PVALEF: variants seen among roughly 807,000 people sequenced by gnomAD.
The protein encoded by PVALEF is parvalbumin like EF-hand containing, also known as parvalbumin-like EF-hand-containing protein.
Under a neutral mutation model 1.2 loss-of-function variants are expected in PVALEF, and 2 were observed. The ratio of observed to expected loss-of-function variants is 1.68; its 90% CI spans 0.69 to 5.28. The LOEUF is 5.28. Among genes scored for constraint, PVALEF ranks in the 30% most tolerant of loss-of-function variants. PVALEF has a pLI of 0.06. For synonymous variants in PVALEF, 16 were observed against 6.5 expected, an observed-to-expected ratio of 2.47 and a Z score of -2.24; for missense variants, 35 against 17.7, an observed-to-expected ratio of 1.97 and a Z score of -1.75.
intron 1 of PVALEF, among the ~76,000 whole-genome samples, 166 bp from the exon 2 acceptor site, chr17:81,166,511 G>T (rs1046789553): frequency 3.9e-5 from 4 of 103,704 alleles, no homozygotes; most frequent in African/African-American, 1.4e-4. Context: ...GGCGGGGGGG[G>T]GGGAAACGGA....
rs143154484 is a variant in PVALEF at position 81,167,780 on chromosome 17, C to T, written c.-340+936C>T. Among the ~76,000 whole-genome samples, 86 of 152,348 alleles carry T rather than the reference C, an allele frequency of 5.6e-4. 1 individual carries two copies. Among genetic ancestry groups the T allele is most frequent in the African/African-American group, 1.5e-3 (64 of 41,594 alleles). On this transcript the variant is annotated intron_variant, in intron 2 of 6. Coordinates refer to ENST00000637878, the MANE Select transcript of PVALEF (RefSeq NM_001354639.2). ...CCTGATCATGTGGCCAGCCAAGGTT[C>T]TAAGGGGCGCTGCCGCCAGGCTGCC...
At position 81,167,165 on chromosome 17, in the gene PVALEF, C is replaced by T. The variant is rs960082335; in HGVS notation, c.-340+321C>T. The stretch of plus-strand genomic sequence containing the variant: ...AAAATGAGCCAGGCATGGTGGCGCT[C>T]ACCTGTAGTCTCAGCTACTTGGGAG... On this transcript the variant is annotated intron_variant, in intron 2 of 6. Coordinates refer to ENST00000637878, the MANE Select transcript of PVALEF (RefSeq NM_001354639.2). Among the ~76,000 whole-genome samples, 27 of 152,340 alleles carry T rather than the reference C, an allele frequency of 1.8e-4. 1 individual carries two copies. The highest frequency in any genetic ancestry group is 3.4e-4 in the African/African-American group (14 of 41,576).
intron 6 of PVALEF, among the ~76,000 whole-genome samples, chr17:81,182,447 G>A (rs2061558039): frequency 6.6e-6 from 1 of 152,230 alleles, no homozygotes; most frequent in Non-Finnish European, 1.5e-5. Flanking sequence ...AGGGTGGAGG[G>A]CACACAAGGT....
rs758174330 is a variant in PVALEF, at chr17:81,165,540, G to T, written c.-715G>T. On this transcript the variant is annotated 5_prime_UTR_variant, in exon 1 of 7. Coordinates refer to ENST00000637878, the MANE Select transcript of PVALEF (RefSeq NM_001354639.2). ...CCCAGCCTGGGAAGAAGCCTCCCAC[G>T]CCAGGGCCCCGGACCCAGGAGAGGC... 6.6e-6 allele frequency: 6 copies of T among 913,176 alleles called. No individual in the cohort carries two copies. The highest frequency in any genetic ancestry group is 7.7e-6 in the Non-Finnish European group (5 of 647,254). 56.6% of individuals were successfully genotyped at this position (913,176 alleles called of 1,614,324 possible).
chr17:81,167,551 C>G (rs1392205565), intron 2 of PVALEF, among the ~76,000 whole-genome samples: 2 of 152,202 alleles, frequency 1.3e-5, no homozygotes, highest in African/African-American at 4.8e-5. Flanking sequence ...GGACAGGATG[C>G]TTGGGCCACG....
At chr17:81,180,976 C>T (rs982117104) in intron 3 of PVALEF, 147 bp from the exon 4 acceptor site, 6 of 449,226 alleles carry the variant, frequency 1.3e-5, no homozygotes, top group East Asian at 4.0e-5. Context: ...AAGGCGCTGC[C>T]GTGAGGCGCA....
chr17:81,182,545 G>A (rs934575944), intron 6 of PVALEF, among the ~76,000 whole-genome samples: 2 of 152,042 alleles, frequency 1.3e-5, no homozygotes, highest in South Asian at 2.1e-4. Flanking sequence ...GGCTTGTGGC[G>A]GGGGGGTCAC....
rs2146434414 is a variant in PVALEF at position 81,165,510 on chromosome 17, T to C, written c.-745T>C. On this transcript the variant is annotated 5_prime_UTR_variant, in exon 1 of 7. Transcript: ENST00000637878. The stretch of plus-strand genomic sequence containing the variant: ...TGGTGGCTGGGCAGGGCTCTGAGAA[T>C]CGCTCCCAGCCTGGGAAGAAGCCTC... 1.6e-6 allele frequency: 1 copy of C among 631,294 alleles called. No homozygotes were observed. Among genetic ancestry groups the C allele is most frequent in the Non-Finnish European group, 2.4e-6 (1 of 411,440 alleles). 39.1% of individuals were successfully genotyped at this position (631,294 alleles called of 1,614,324 possible). A position where few individuals can be genotyped will look rare whatever the true frequency, so the allele number is the denominator to read the frequency against.
At position 81,177,624 on chromosome 17, in the gene PVALEF, C is replaced by G. The variant is rs531247282; in HGVS notation, c.-339-1294C>G. ...GTGAATTTTATCATGATAAAAAGCA[C>G]GCAAGAAAGAAGAAAAGCATTAAGG... On this transcript the variant is annotated intron_variant, in intron 2 of 6. Coordinates refer to ENST00000637878, the MANE Select transcript of PVALEF (RefSeq NM_001354639.2). 2.6e-5 allele frequency among the ~76,000 whole-genome samples: 4 copies of G among 151,840 alleles called. 1 individual carries two copies. The highest frequency in any genetic ancestry group is 2.9e-5 in the Non-Finnish European group (2 of 67,950).
chr17:81,182,978 G>C lies in PVALEF; in HGVS notation c.372G>C (p.Leu124Phe), dbSNP rs1409327307. Reference protein sequence around the residue: ...GRINYEEFSELIKKEKIPKKK With the variant: ...GRINYEEFSEFIKKEKIPKKK ...CTCCTGCTCTAGAATTTTCTGAATT[G>C]ATCAAAAAGGAGAAAATTCCAAAGA... The change falls in exon 7 of 7, where the codon TTG (leucine) becomes TTC (phenylalanine). Residue 124 changes from leucine to phenylalanine, a missense_variant. Physicochemically the swap from Leu to Phe is conservative, Grantham distance 22. Transcript: ENST00000637878. 1 of 398,528 alleles carries C rather than the reference G, an allele frequency of 2.5e-6. No individual in the cohort carries two copies. The highest frequency in any genetic ancestry group is 4.4e-6 in the Non-Finnish European group (1 of 226,092). The allele number at this position is 398,528 out of a possible 1,614,324, so 24.7% of individuals were successfully genotyped here. A position where few individuals can be genotyped will look rare whatever the true frequency, so the allele number is the denominator to read the frequency against.
chr17:81,181,399 T>C, intron 4 of PVALEF, 67 bp downstream of exon 4: 2 of 584,380 alleles, frequency 3.4e-6, no homozygotes, highest in East Asian at 2.9e-5. Context: ...GGAGACCTCA[T>C]CCCTTTTCTG....
At chr17:81,177,085 G>C (rs1183113656) in intron 2 of PVALEF, among the ~76,000 whole-genome samples, 1 of 151,258 alleles carries the variant, frequency 6.6e-6, no homozygotes, top group Non-Finnish European at 1.5e-5. Context: ...CACCACCAAC[G>C]CTGGCTAATT....
At chr17:81,166,487 G>A (rs1412284423) in intron 1 of PVALEF, among the ~76,000 whole-genome samples, 190 bp from the exon 2 acceptor site, 1 of 102,838 alleles carries the variant, frequency 9.7e-6, no homozygotes, top group African/African-American at 3.6e-5. Context: ...GGGGCTGAGG[G>A]GGGCACGGAG....
intron 2 of PVALEF, among the ~76,000 whole-genome samples, chr17:81,171,176 C>T (rs972848369): frequency 2.0e-5 from 3 of 152,166 alleles, no homozygotes; most frequent in African/African-American, 4.8e-5. Flanking sequence ...GCCGGCGTAG[C>T]CCATAGTCGG....
chr17:81,181,778 C>T (rs2061555089), intron 5 of PVALEF, 84 bp downstream of exon 5: 3 of 398,576 alleles, frequency 7.5e-6, no homozygotes, highest in Non-Finnish European at 8.8e-6. Context: ...GGCCTTCCCC[C>T]ACCGGGTCCC....
intron 2 of PVALEF, among the ~76,000 whole-genome samples, chr17:81,170,288 T>G (rs911869485): frequency 6.6e-6 from 1 of 151,722 alleles, no homozygotes; most frequent in African/African-American, 2.4e-5. Flanking sequence ...TCTGTGTGTG[T>G]TGGTATATGT....
At chr17:81,169,410 C>T (rs763799298) in intron 2 of PVALEF, among the ~76,000 whole-genome samples, 22 of 152,242 alleles carry the variant, frequency 1.4e-4, no homozygotes, top group East Asian at 1.2e-3. Flanking sequence ...CCAGCCTGGC[C>T]AACATGGTGA....
intron 1 of PVALEF, 168 bp downstream of exon 1, chr17:81,165,915 A>G (rs748250098): frequency 2.5e-6 from 4 of 1,568,992 alleles, no homozygotes; most frequent in African/African-American, 1.4e-5. Flanking sequence ...AGCGGCGCGC[A>G]GGCCGGGCCG....
chr17:81,180,641 G>A (rs1258503160), intron 3 of PVALEF, among the ~76,000 whole-genome samples: 5 of 152,096 alleles, frequency 3.3e-5, no homozygotes, highest in African/African-American at 1.2e-4. Context: ...ACCGAGGGTT[G>A]GGGAGCAGGA....
Sources: allele counts gnomAD v4.1 joint callset (sites outside exome capture counted in the v4.1 genomes callset), GRCh38; gene constraint gnomAD v4.1.1; transcripts MANE v1.5; gene names NCBI Gene and HGNC (gene_info 2026-07-23, HGNC 2026-07-21).